DNAJB7: variants seen among roughly 807,000 people sequenced by gnomAD.
DNAJB7 encodes the protein dnaJ homolog subfamily B member 7.
A neutral mutation model predicts 1.2 loss-of-function variants in DNAJB7; 1 was observed. The observed-to-expected ratio is 0.84, with a 90% confidence interval of 0.30 to 4.01. The LOEUF (loss-of-function observed/expected upper bound fraction) is 4.01. Among genes scored for constraint, DNAJB7 ranks in the 30% most tolerant of loss-of-function variants. The pLI, the probability that DNAJB7 is intolerant of heterozygous loss-of-function variation, is 0.18. For synonymous variants in DNAJB7, 128 were observed against 127.7 expected, an observed-to-expected ratio of 1.00 and a Z score of -0.01; for missense variants, 420 against 358.5, an observed-to-expected ratio of 1.17 and a Z score of -1.39.
chr22:40,861,550 T>G lies in DNAJB7; in HGVS notation c.445A>C (p.Lys149Gln). 6.2e-7 allele frequency: 1 copy of G among 1,613,402 alleles called. No homozygotes were observed. Among genetic ancestry groups the G allele is most frequent in the Non-Finnish European group, 8.5e-7 (1 of 1,179,816 alleles). ...TATCCTGTATCATATGAAGAAAATTTCTCAAAAATTGGATATTCACTGGCA... is the reference window on the plus strand; with the variant it reads ...TATCCTGTATCATATGAAGAAAATTGCTCAAAAATTGGATATTCACTGGCA... ...STASEYPIFE[K>Q]FSSYDTGYTS... Residue 149 changes from lysine (K) to glutamine (Q), a missense_variant, in exon 1 of 1, where the codon AAA becomes CAA. Physicochemically the swap from Lys to Gln is moderately conservative, Grantham distance 53. Transcript: ENST00000307221.
In DNAJB7 at chr22:40,861,300, C is replaced by T. The variant is rs753155402; in HGVS notation, c.695G>A (p.Gly232Asp). The T allele has an allele frequency of 6.2e-7, 1 of 1,614,110 alleles. No individual in the cohort carries two copies. Among genetic ancestry groups the T allele is most frequent in the Admixed American group, 1.7e-5 (1 of 60,028 alleles). Residue 232 changes from glycine (G) to aspartate (D), a missense_variant, in exon 1 of 1, where the codon GGC (glycine) becomes GAC (aspartate). Gly to Asp is a moderately conservative substitution (Grantham distance 94). Coordinates refer to ENST00000307221, the MANE Select transcript of DNAJB7 (RefSeq NM_145174.2). ...TCTCCAGCTGCATTCTTTTGCAAAG[C>T]CCTCTTCATTGGCCACACTATTTAC... ...FLVNSVANEE[G>D]FAKECSWRTQ... is the part of the protein sequence containing the mutation.
At position 40,861,320 on chromosome 22, in the gene DNAJB7, A is replaced by G. The variant is rs984724458; in HGVS notation, c.675T>C (p.Asn225=). ...CAAAGCCCTCTTCATTGGCCACACT[A>G]TTTACAAGAAAAAATGTCAACTCTC... is the stretch of plus-strand genomic sequence containing the variant. ...DNGELTFFLV[N]SVANEEGFAK... The change falls in exon 1 of 1, where the codon AAT becomes AAC. Residue 225 remains asparagine (N), a synonymous_variant. Transcript: ENST00000307221. The G allele has an allele frequency of 1.9e-6, 3 of 1,614,074 alleles. No homozygotes were observed. The highest frequency in any genetic ancestry group is 2.5e-6 in the Non-Finnish European group (3 of 1,180,010).
Position 40,860,539 on chromosome 22 carries a change from G to A in DNAJB7, c.*526C>T. The A allele has an allele frequency of 5.1e-6, 4 of 784,256 alleles. 1 individual carries two copies. In the African/African-American group the frequency reaches 7.1e-5, roughly 14 times the overall value. 48.6% of individuals were successfully genotyped at this position (784,256 alleles called of 1,614,324 possible). A position where few individuals can be genotyped will look rare whatever the true frequency, so the allele number is the denominator to read the frequency against. On this transcript the variant is annotated 3_prime_UTR_variant, in exon 1 of 1. Transcript: ENST00000307221. ...TCTTGATACATTCTTGTCTTCTAAT[G>A]CTATGCATGTTTCGTAAGTTTGTAT... is the stretch of plus-strand genomic sequence containing the variant.
rs1185951571 is a variant in DNAJB7, at chr22:40,861,350, A to G, written c.645T>C (p.Asp215=). 1.9e-6 allele frequency: 3 copies of G among 1,614,032 alleles called. No homozygotes were observed. The highest frequency in any genetic ancestry group is 2.7e-5 in the African/African-American group (2 of 74,944). The change falls in exon 1 of 1, where the codon GAT becomes GAC. Residue 215 remains aspartate (D), a synonymous_variant. Transcript: ENST00000307221. ...IESDQEREAE[D]NGELTFFLVN... ...CAAGAAAAAATGTCAACTCTCCATT[A>G]TCTTCAGCTTCTCTTTCTTGATCAC...
chr22:40,861,643 C>A lies in DNAJB7; in HGVS notation c.352G>T (p.Asp118Tyr). 6.2e-7 allele frequency: 1 copy of A among 1,613,988 alleles called. No homozygotes were observed. The highest frequency in any genetic ancestry group is 8.5e-7 in the Non-Finnish European group (1 of 1,179,980). ...GAGCTTCCTGGACGATTTAACAGGT[C>A]CTCAAGCGAGTCTTCAAAGAAGTGA... ...SFHFFEDSLE[D>Y]LLNRPGSSYG... Residue 118 changes from aspartate (D) to tyrosine (Y), a missense_variant, in exon 1 of 1, where the codon GAC (aspartate) becomes TAC (tyrosine). Asp to Tyr is a radical substitution (Grantham distance 160). Transcript: ENST00000307221.
chr22:40,862,100 T>C lies in DNAJB7; in HGVS notation c.-106A>G. ...GATAGAGGTAGTGACTGCAAATAGGTACACTTTTATGTTAAAGACAATGTT... is the reference window on the plus strand; with the variant it reads ...GATAGAGGTAGTGACTGCAAATAGGCACACTTTTATGTTAAAGACAATGTT... On this transcript the variant is annotated 5_prime_UTR_variant, in exon 1 of 1. Transcript: ENST00000307221. 2.0e-6 allele frequency: 3 copies of C among 1,507,504 alleles called. No individual in the cohort carries two copies. In the South Asian group the frequency reaches 4.2e-5, roughly 21 times the overall value. The allele number at this position is 1,507,504 out of a possible 1,614,324, so 93.4% of individuals were successfully genotyped here. A position where few individuals can be genotyped will look rare whatever the true frequency, so the allele number is the denominator to read the frequency against.
In DNAJB7 at chr22:40,860,492, T is replaced by C. The variant is rs2057936261; in HGVS notation, c.*573A>G. On this transcript the variant is annotated 3_prime_UTR_variant, in exon 1 of 1. Transcript: ENST00000307221. Reference sequence around the variant, plus strand: ...TGGAAAACAGCCATTTCATGAATAATTGTGTAGTCTGAACCTGTGTGTCTT... The same window carrying C: ...TGGAAAACAGCCATTTCATGAATAACTGTGTAGTCTGAACCTGTGTGTCTT... 1 of 470,544 alleles carries C rather than the reference T, an allele frequency of 2.1e-6. No homozygotes were observed. The highest frequency in any genetic ancestry group is 3.7e-5 in the East Asian group (1 of 27,366). 29.1% of individuals were successfully genotyped at this position (470,544 alleles called of 1,614,324 possible).
In DNAJB7 at chr22:40,861,691, G is replaced by T. The variant is rs1210821184; in HGVS notation, c.304C>A (p.His102Asn). ...TGAAAAGAAAATGGATCCCTTTCAT[G>T]AAAAATTTCTTTAAAAACATCATCT... ...KPDDVFKEIF[H>N]ERDPFSFHFF... The change falls in exon 1 of 1, where the codon CAT becomes AAT. Residue 102 changes from histidine to asparagine, a missense_variant. Transcript: ENST00000307221. 1.9e-6 allele frequency: 3 copies of T among 1,613,924 alleles called. No individual in the cohort carries two copies. The African/African-American group carries it at 4.0e-5, about 22-fold the overall frequency.
chr22:40,860,960 A>C lies in DNAJB7; in HGVS notation c.*105T>G. On this transcript the variant is annotated 3_prime_UTR_variant, in exon 1 of 1. Coordinates refer to ENST00000307221, the MANE Select transcript of DNAJB7 (RefSeq NM_145174.2). ...ACCAAATGTCCACAATCCTGCTAAA[A>C]GTGTTGAAAAGCTCTTAGTATAGTA... The C allele has an allele frequency of 1.8e-6, 2 of 1,094,424 alleles. No individual in the cohort carries two copies. The highest frequency in any genetic ancestry group is 2.6e-6 in the Non-Finnish European group (2 of 774,664). The allele number at this position is 1,094,424 out of a possible 1,614,324, so 67.8% of individuals were successfully genotyped here.
At position 40,861,561 on chromosome 22, in the gene DNAJB7, G is replaced by A. The variant is rs149238617; in HGVS notation, c.434C>T (p.Pro145Leu). The change falls in exon 1 of 1, where the codon CCA becomes CTA. Residue 145 changes from proline to leucine, a missense_variant. Pro to Leu is a moderately conservative substitution (Grantham distance 98, BLOSUM62 -3). Transcript: ENST00000307221. ...GYFFSTASEY[P>L]IFEKFSSYDT... The stretch of plus-strand genomic sequence containing the variant: ...ATATGAAGAAAATTTCTCAAAAATT[G>A]GATATTCACTGGCAGTGGAGAAAAA... 4.3e-6 allele frequency: 7 copies of A among 1,613,260 alleles called. No individual in the cohort carries two copies. The highest frequency in any genetic ancestry group is 2.7e-5 in the African/African-American group (2 of 74,838).
Position 40,860,595 on chromosome 22 carries a change from G to T in DNAJB7, c.*470C>A. ...TTTTAATTAGAAAAAAGAAAAATAG[G>T]CTATAAACTCTACTAAAGAAAAATT... On this transcript the variant is annotated 3_prime_UTR_variant, in exon 1 of 1. Transcript: ENST00000307221. 8.1e-7 allele frequency: 1 copy of T among 1,229,166 alleles called. No individual in the cohort carries two copies. The highest frequency in any genetic ancestry group is 1.1e-6 in the Non-Finnish European group (1 of 922,888). The allele number at this position is 1,229,166 out of a possible 1,614,324, so 76.1% of individuals were successfully genotyped here. A position where few individuals can be genotyped will look rare whatever the true frequency, so the allele number is the denominator to read the frequency against.
At position 40,859,913 on chromosome 22, in the gene DNAJB7, G is replaced by A. The variant is rs1201120764; in HGVS notation, c.*1152C>T. 2 of 152,062 alleles carry A rather than the reference G, an allele frequency of 1.3e-5. No homozygotes were observed. Among genetic ancestry groups the A allele is most frequent in the Non-Finnish European group, 2.9e-5 (2 of 68,028 alleles). 9.4% of individuals were successfully genotyped at this position (152,062 alleles called of 1,614,324 possible). A position where few individuals can be genotyped will look rare whatever the true frequency, so the allele number is the denominator to read the frequency against. On this transcript the variant is annotated 3_prime_UTR_variant, in exon 1 of 1. Coordinates refer to ENST00000307221, the MANE Select transcript of DNAJB7 (RefSeq NM_145174.2). ...TTAGAGTAATGTATTTGTAGATTTT[G>A]TGTACAAACTCTAAACAAAAATAGA...
At position 40,860,666 on chromosome 22, in the gene DNAJB7, T is replaced by A. The variant is rs2057937637; in HGVS notation, c.*399A>T. 7.7e-7 allele frequency: 1 copy of A among 1,299,966 alleles called. No individual in the cohort carries two copies. The highest frequency in any genetic ancestry group is 2.4e-5 in the Admixed American group (1 of 42,274). 80.5% of individuals were successfully genotyped at this position (1,299,966 alleles called of 1,614,324 possible). A position where few individuals can be genotyped will look rare whatever the true frequency, so the allele number is the denominator to read the frequency against. On this transcript the variant is annotated 3_prime_UTR_variant, in exon 1 of 1. Transcript: ENST00000307221. ...CAGTTTTCCAAATTCCTTTTTTTTTTTTTTAAGACAGGGTCTTACTTTGTC... is the reference window on the plus strand; with the variant it reads ...CAGTTTTCCAAATTCCTTTTTTTTTATTTTAAGACAGGGTCTTACTTTGTC...
Position 40,859,946 on chromosome 22 carries a change from C to A in DNAJB7, c.*1119G>T, listed in dbSNP as rs1236774893. ...ACTCTAAACAAAAATAGAAAATTTC[C>A]TGTCTGGAGTGATTCACTGATGGCC... On this transcript the variant is annotated 3_prime_UTR_variant, in exon 1 of 1. Transcript: ENST00000307221. The A allele has an allele frequency of 6.6e-6, 1 of 152,126 alleles. No individual in the cohort carries two copies. The highest frequency in any genetic ancestry group is 2.4e-5 in the African/African-American group (1 of 41,416). 9.4% of individuals were successfully genotyped at this position (152,126 alleles called of 1,614,324 possible).
chr22:40,861,085 A>C lies in DNAJB7; in HGVS notation c.910T>G (p.Ser304Ala). 6.3e-7 allele frequency: 1 copy of C among 1,590,212 alleles called. No homozygotes were observed. The highest frequency in any genetic ancestry group is 8.5e-7 in the Non-Finnish European group (1 of 1,170,794). Reference protein sequence around the residue: ...KKKRKEVQKKSTKRNC With the variant: ...KKKRKEVQKKATKRNC The stretch of plus-strand genomic sequence containing the variant: ...TCAATTTAACAATTCCTTTTGGTAG[A>C]CTTCTTTTGCACCTCTTTACGCTTC... Residue 304 changes from serine (S) to alanine (A), a missense_variant, in exon 1 of 1, where the codon TCT becomes GCT. Coordinates refer to ENST00000307221, the MANE Select transcript of DNAJB7 (RefSeq NM_145174.2).
At position 40,860,289 on chromosome 22, in the gene DNAJB7, C is replaced by T. The variant is rs577396058; in HGVS notation, c.*776G>A. ...ATAGAGGACAGGTCTCATTATGTTA[C>T]CCGGACTGTCGTGAAATTCTGACTT... On this transcript the variant is annotated 3_prime_UTR_variant, in exon 1 of 1. Transcript: ENST00000307221. 6.5e-6 allele frequency: 1 copy of T among 153,910 alleles called. No individual in the cohort carries two copies. Among genetic ancestry groups the T allele is most frequent in the Non-Finnish European group, 1.4e-5 (1 of 69,188 alleles). The allele number at this position is 153,910 out of a possible 1,614,324, so 9.5% of individuals were successfully genotyped here.
At chr22:40,861,215 A>T in the DNAJB7 span, 1 of 1,614,154 alleles carries the variant, frequency 6.2e-7, no homozygotes, top group Non-Finnish European at 8.5e-7. Context: ...CCACGAAAGT[A>T]TATTGAGATA....
At position 40,860,676 on chromosome 22, in the gene DNAJB7, A is replaced by G. The variant is rs5758111; in HGVS notation, c.*389T>C. 1.5e-3 allele frequency: 1,845 copies of G among 1,218,696 alleles called. 46 individuals are homozygous for G. In the East Asian group the frequency reaches 0.033, roughly 22 times the overall value. The allele number at this position is 1,218,696 out of a possible 1,614,324, so 75.5% of individuals were successfully genotyped here. ...AATTCCTTTTTTTTTTTTTTAAGAC[A>G]GGGTCTTACTTTGTCACCCAAGCTG... On this transcript the variant is annotated 3_prime_UTR_variant, in exon 1 of 1. Coordinates refer to ENST00000307221, the MANE Select transcript of DNAJB7 (RefSeq NM_145174.2).
chr22:40,859,686 C>G lies in DNAJB7; in HGVS notation c.*1379G>C, dbSNP rs2057929832. On this transcript the variant is annotated 3_prime_UTR_variant, in exon 1 of 1. Coordinates refer to ENST00000307221, the MANE Select transcript of DNAJB7 (RefSeq NM_145174.2). ...CTAAAAATCAAATACCGATACAAAA[C>G]ACAAGCTCTTGACTATAGCTGTCTT... 1 of 152,176 alleles carries G rather than the reference C, an allele frequency of 6.6e-6. No homozygotes were observed. Among genetic ancestry groups the G allele is most frequent in the South Asian group, 2.1e-4 (1 of 4,834 alleles). The allele number at this position is 152,176 out of a possible 1,614,324, so 9.4% of individuals were successfully genotyped here.
Sources: gnomAD v4.1 joint callset for allele counts on GRCh38, gnomAD v4.1.1 for gene constraint, MANE v1.5 for transcripts, NCBI Gene and HGNC (gene_info 2026-07-23, HGNC 2026-07-21) for gene names.